PDSS2: variants seen among roughly 807,000 people sequenced by gnomAD.
The protein encoded by PDSS2 is all trans-polyprenyl-diphosphate synthase PDSS2.
Under a neutral mutation model 44.5 loss-of-function variants are expected in PDSS2, and 31 were observed. The ratio of observed to expected loss-of-function variants is 0.70; its 90% CI spans 0.52 to 0.94. The LOEUF (loss-of-function observed/expected upper bound fraction) is 0.94. PDSS2 is among the 40% of genes least tolerant of loss of function. The probability of loss-of-function intolerance (pLI) is 0.00; values close to 1 mark genes in which losing one functional copy is unlikely to be tolerated. For synonymous variants in PDSS2, 157 were observed against 180.3 expected, an observed-to-expected ratio of 0.87 and a Z score of 1.03; for missense variants, 452 against 482.2, an observed-to-expected ratio of 0.94 and a Z score of 0.59.
chr6:107,268,518 C>T (rs1775484620), intron 3 of PDSS2, among the ~76,000 whole-genome samples: 1 of 152,004 alleles, frequency 6.6e-6, no homozygotes, highest in Non-Finnish European at 1.5e-5. Context: ...CATACATGTA[C>T]ATACAATAGA....
chr6:107,161,306 C>T (rs1233154368), intron 7 of PDSS2, among the ~76,000 whole-genome samples: 4 of 151,754 alleles, frequency 2.6e-5, no homozygotes, highest in African/African-American at 9.7e-5. Flanking sequence ...CAGAGAAACC[C>T]CGTCTCTACT....
chr6:107,406,944 C>A (rs1311540832), intron 1 of PDSS2, among the ~76,000 whole-genome samples: 1 of 152,156 alleles, frequency 6.6e-6, no homozygotes, highest in Non-Finnish European at 1.5e-5. Flanking sequence ...AAAGGAAGAA[C>A]AAGAAGTCAG....
chr6:107,313,150 T>C (rs9480764), intron 2 of PDSS2, among the ~76,000 whole-genome samples: 26,537 of 152,196 alleles, frequency 0.17, 2,496 homozygotes, highest in African/African-American at 0.22. Flanking sequence ...TATAAACATG[T>C]GCTTACATTC....
intron 1 of PDSS2, among the ~76,000 whole-genome samples, chr6:107,451,927 C>G (rs1362628905): frequency 6.6e-6 from 1 of 152,224 alleles, no homozygotes; most frequent in East Asian, 1.9e-4. Context: ...TTTTAATTTG[C>G]ATTTCCCAAA....
Position 107,225,141 on chromosome 6 carries a change from A to ATATATATATATATATATT in PDSS2, c.703-12860_703-12859insAATATATATATATATATA, listed in dbSNP as rs1562389024. Among the ~76,000 whole-genome samples, 16 of 39,464 alleles carry ATATATATATATATATATT rather than the reference A, an allele frequency of 4.1e-4. 2 individuals are homozygous for ATATATATATATATATATT. Among genetic ancestry groups the ATATATATATATATATATT allele is most frequent in the African/African-American group, 2.9e-3 (16 of 5,460 alleles). 25.9% of individuals were successfully genotyped at this position (39,464 alleles called of 152,430 possible). On this transcript the variant is annotated intron_variant, in intron 4 of 7. Transcript: ENST00000369037. ...AGCTTCACTATATATATATTTTTATATATATATATATATATATATATTTTT... is the reference window on the plus strand; with the variant it reads ...AGCTTCACTATATATATATTTTTATATATATATATATATATATTTATATATATATATATATATATTTTT...
At position 107,309,504 on chromosome 6, in the gene PDSS2, T is replaced by A. The variant is rs181441042; in HGVS notation, c.431+24694A>T. Among the ~76,000 whole-genome samples, 37 of 152,308 alleles carry A rather than the reference T, an allele frequency of 2.4e-4. No individual in the cohort carries two copies. The East Asian group carries it at 7.1e-3, about 29-fold the overall frequency. On this transcript the variant is annotated intron_variant, in intron 2 of 7. Transcript: ENST00000369037. ...TAATTTAGATGGCTCCTAATTGAACTCTCCTTCCATTGCACAGGTCTTGGC... is the reference window on the plus strand; with the variant it reads ...TAATTTAGATGGCTCCTAATTGAACACTCCTTCCATTGCACAGGTCTTGGC...
At chr6:107,294,216 A>G (rs1008770575) in intron 2 of PDSS2, among the ~76,000 whole-genome samples, 2 of 152,150 alleles carry the variant, frequency 1.3e-5, no homozygotes, top group Non-Finnish European at 2.9e-5. Context: ...AAAGGGGCAA[A>G]GATCTGTTTC....
rs538079361 is a variant in PDSS2, at chr6:107,164,736, C to T, written c.1042-9959G>A. Among the ~76,000 whole-genome samples, 13 of 152,282 alleles carry T rather than the reference C, an allele frequency of 8.5e-5. No homozygotes were observed. The South Asian group carries it at 1.9e-3, about 22-fold the overall frequency. Reference sequence around the variant, plus strand: ...TTCTAGTTCTAGATCCTTGAGGAATCGCCACACTGTCTTCCACAATGGTTG... The same window carrying T: ...TTCTAGTTCTAGATCCTTGAGGAATTGCCACACTGTCTTCCACAATGGTTG... On this transcript the variant is annotated intron_variant, in intron 7 of 7. Transcript: ENST00000369037.
At chr6:107,412,499 C>T (rs1780536448) in intron 1 of PDSS2, among the ~76,000 whole-genome samples, 2 of 152,142 alleles carry the variant, frequency 1.3e-5, no homozygotes, top group African/African-American at 4.8e-5. Flanking sequence ...CTCGGCCTCC[C>T]AAAGTGCTGG....
intron 4 of PDSS2, among the ~76,000 whole-genome samples, chr6:107,242,188 T>C (rs1483700784): frequency 6.6e-6 from 1 of 152,210 alleles, no homozygotes; most frequent in Non-Finnish European, 1.5e-5. Context: ...GAGGCACAAA[T>C]GGAGGCATCA....
At chr6:107,170,967 T>G (rs1295981138) in intron 7 of PDSS2, among the ~76,000 whole-genome samples, 1 of 152,076 alleles carries the variant, frequency 6.6e-6, no homozygotes, top group Non-Finnish European at 1.5e-5. Context: ...ACAATCAAAT[T>G]AAAACCAACA....
intron 1 of PDSS2, among the ~76,000 whole-genome samples, chr6:107,388,874 G>A (rs1779695005): frequency 6.6e-6 from 1 of 152,130 alleles, no homozygotes; most frequent in Non-Finnish European, 1.5e-5. Context: ...GTAATATTAT[G>A]CAGTGACAAC....
intron 1 of PDSS2, among the ~76,000 whole-genome samples, chr6:107,340,064 G>A (rs1274230291): frequency 4.0e-5 from 6 of 151,390 alleles, no homozygotes; most frequent in South Asian, 4.2e-4. Flanking sequence ...AAAGAGGGTA[G>A]CTTGATGGAC....
At chr6:107,237,387 G>T (rs1774259828) in intron 4 of PDSS2, among the ~76,000 whole-genome samples, 2 of 151,808 alleles carry the variant, frequency 1.3e-5, no homozygotes, top group African/African-American at 4.8e-5. Context: ...GGGATTACAG[G>T]CACCCACCCC....
At chr6:107,368,989 G>A (rs2500565) in intron 1 of PDSS2, among the ~76,000 whole-genome samples, 147,063 of 152,304 alleles carry the variant, frequency 0.97, 71,221 homozygotes, top group East Asian at 1. Flanking sequence ...AATGGAACAG[G>A]GTTTTCAGTA....
intron 1 of PDSS2, among the ~76,000 whole-genome samples, chr6:107,446,057 C>T (rs1466948750): frequency 1.3e-5 from 2 of 152,172 alleles, no homozygotes; most frequent in Admixed American, 6.5e-5. Flanking sequence ...GTGGCTCATG[C>T]CTGTAATCCC....
At position 107,184,398 on chromosome 6, in the gene PDSS2, G is replaced by A. The variant is rs575535906; in HGVS notation, c.1041+9424C>T. Among the ~76,000 whole-genome samples the A allele has an allele frequency of 1.0e-3, 155 of 152,256 alleles. 1 individual carries two copies. Among genetic ancestry groups the A allele is most frequent in the African/African-American group, 3.7e-3 (153 of 41,562 alleles). On this transcript the variant is annotated intron_variant, in intron 7 of 7. Coordinates refer to ENST00000369037, the MANE Select transcript of PDSS2 (RefSeq NM_020381.4). ...AAGAAAATTCTGGACTCAATATGCA[G>A]AAAAATGGCTGAAGCATCTATGTGT... is the stretch of plus-strand genomic sequence containing the variant.
intron 4 of PDSS2, among the ~76,000 whole-genome samples, chr6:107,213,275 T>C (rs1243623883): frequency 6.6e-6 from 1 of 151,472 alleles, no homozygotes; most frequent in East Asian, 2.0e-4. Flanking sequence ...CCTCCCAAAG[T>C]ACTGGGATTA....
intron 2 of PDSS2, among the ~76,000 whole-genome samples, chr6:107,285,673 T>C (rs1469675487): frequency 6.6e-6 from 1 of 152,142 alleles, no homozygotes; most frequent in African/African-American, 2.4e-5. Flanking sequence ...GGCTATCATT[T>C]ATGAGAAAAA....
Sources: allele counts gnomAD v4.1 joint callset (sites outside exome capture counted in the v4.1 genomes callset), GRCh38; gene constraint gnomAD v4.1.1; transcripts MANE v1.5; gene names NCBI Gene and HGNC (gene_info 2026-07-23, HGNC 2026-07-21).